SPATA13: variants seen among roughly 807,000 people sequenced by gnomAD.
SPATA13 encodes spermatogenesis-associated protein 13.
A neutral mutation model predicts 104.0 loss-of-function variants in SPATA13; 50 were observed. The observed-to-expected ratio is 0.48, with a 90% CI of 0.38 to 0.61. SPATA13 has a LOEUF of 0.61. Among genes scored for constraint, SPATA13 ranks in the 20% least tolerant of loss-of-function variants. The probability of loss-of-function intolerance (pLI) is 0.00; values close to 1 mark genes in which losing one functional copy is unlikely to be tolerated. For synonymous variants in SPATA13, 606 were observed against 667.5 expected, an observed-to-expected ratio of 0.91 and a Z score of 1.42; for missense variants, 1,524 against 1,690.6, an observed-to-expected ratio of 0.90 and a Z score of 1.73.
chr13:24,250,794 C>T (rs548465581), intron 3 of SPATA13, among the ~76,000 whole-genome samples: 1 of 152,312 alleles, frequency 6.6e-6, no homozygotes, highest in East Asian at 1.9e-4. Flanking sequence ...TCTGAAGGTG[C>T]TCCGCTGTTG....
At chr13:24,213,193 G>A (rs1322224119) in intron 1 of SPATA13, among the ~76,000 whole-genome samples, 1 of 152,214 alleles carries the variant, frequency 6.6e-6, no homozygotes, top group Non-Finnish European at 1.5e-5. Flanking sequence ...GCTCAGAGAT[G>A]ATGATCATAG....
chr13:24,127,232 T>A (rs1278937610), intron 3 of SPATA13, among the ~76,000 whole-genome samples: 2 of 152,128 alleles, frequency 1.3e-5, no homozygotes, highest in African/African-American at 4.8e-5. Flanking sequence ...CCCAGGCTGG[T>A]AGCAGTGAGG....
chr13:24,297,309 G>A, intron 10 of SPATA13, 54 bp from the exon 11 acceptor site: 6 of 1,550,220 alleles, frequency 3.9e-6, no homozygotes, highest in East Asian at 2.3e-5. Flanking sequence ...AAGTAGCTAG[G>A]ACTACAGCTG....
At chr13:23,981,639 G>A (rs765084678) in intron 1 of SPATA13, among the ~76,000 whole-genome samples, 12 of 152,174 alleles carry the variant, frequency 7.9e-5, no homozygotes, top group Non-Finnish European at 1.5e-4. Flanking sequence ...TGCGTTGTGG[G>A]TTTTGCTCTT....
At chr13:24,178,332 C>G (rs910652313) in intron 1 of SPATA13, among the ~76,000 whole-genome samples, 6 of 152,174 alleles carry the variant, frequency 3.9e-5, no homozygotes, top group African/African-American at 1.4e-4. Flanking sequence ...ATGTATTGAA[C>G]TGCATTATGA....
At chr13:24,241,258 A>T (rs1872817467) in intron 2 of SPATA13, among the ~76,000 whole-genome samples, 1 of 152,212 alleles carries the variant, frequency 6.6e-6, no homozygotes. Context: ...TTCTACTTCC[A>T]GTATTGTGCC....
Position 24,286,876 on chromosome 13 carries a change from A to T in SPATA13, c.2593A>T (p.Met865Leu), listed in dbSNP as rs1231290257. The change falls in exon 7 of 13, where the codon ATG becomes TTG. Residue 865 changes from methionine to leucine, a missense_variant. Transcript: ENST00000382108. The surrounding 1 kb of genome is among the most constrained non-coding windows in gnomAD (Gnocchi z 4.9). ...CAGACACTGTGAGAACAAGCAGCAG[A>T]TGCGGACCAACGTCATCCGGGAGAT... ...RHRHCENKQQ[M>L]RTNVIREIMD... is the part of the protein sequence containing the mutation. 4 of 1,613,934 alleles carry T rather than the reference A, an allele frequency of 2.5e-6. No individual in the cohort carries two copies. In the South Asian group the frequency reaches 4.4e-5, roughly 18 times the overall value.
At chr13:24,271,355 TGGTGTG>T (rs1874597507) in intron 4 of SPATA13, among the ~76,000 whole-genome samples, 1 of 152,086 alleles carries the variant, frequency 6.6e-6, no homozygotes, top group Non-Finnish European at 1.5e-5. Context: ...AGATTATTGG[TGGTGTG>T]TATAAGAATG....
Position 24,223,232 on chromosome 13 carries a change from A to G in SPATA13, c.303A>G (p.Thr101=), listed in dbSNP as rs866912656. The change falls in exon 2 of 13, where the codon ACA becomes ACG. Residue 101 remains threonine, a synonymous_variant. Coordinates refer to ENST00000382108, the MANE Select transcript of SPATA13 (RefSeq NM_001166271.3). ...TGGTCCTGGTGGGGAACTCCTCCAC[A>G]TGGAACACCCTCGCCTCCTTCCGGA... ...HSMVLVGNSS[T]WNTLASFRKM... The G allele has an allele frequency of 2.6e-6, 4 of 1,551,598 alleles. No homozygotes were observed. Among genetic ancestry groups the G allele is most frequent in the East Asian group, 2.4e-5 (1 of 40,924 alleles).
intron 3 of SPATA13, among the ~76,000 whole-genome samples, chr13:24,049,567 G>A (rs1422338475): frequency 1.3e-5 from 2 of 152,090 alleles, no homozygotes; most frequent in Admixed American, 6.6e-5. Context: ...TCACAGTAAC[G>A]TTTAAAATGT....
chr13:24,206,836 A>G (rs9507283), intron 1 of SPATA13, among the ~76,000 whole-genome samples: 138,717 of 151,244 alleles, frequency 0.92, 64,899 homozygotes, highest in East Asian at 1. Context: ...AGGTTGCAGT[A>G]AGCTGAGATT....
At chr13:24,246,553 A>G (rs550559416) in intron 2 of SPATA13, among the ~76,000 whole-genome samples, 1 of 152,328 alleles carries the variant, frequency 6.6e-6, no homozygotes, top group African/African-American at 2.4e-5. Context: ...TGTGAGAGAC[A>G]GAGTTCATAG....
chr13:24,091,925 G>A (rs1879922881), intron 3 of SPATA13, among the ~76,000 whole-genome samples: 1 of 152,170 alleles, frequency 6.6e-6, no homozygotes, highest in South Asian at 2.1e-4. Context: ...GCTGTTCTCA[G>A]GCTTTCACAG....
At chr13:24,226,055 G>A (rs909277055) in intron 2 of SPATA13, among the ~76,000 whole-genome samples, 7 of 152,226 alleles carry the variant, frequency 4.6e-5, no homozygotes, top group Admixed American at 6.5e-5. Context: ...CCCAATGAGT[G>A]GCGGAGTCTG....
At chr13:24,169,498 C>T (rs1212420744) in intron 1 of SPATA13, among the ~76,000 whole-genome samples, 1 of 152,130 alleles carries the variant, frequency 6.6e-6, no homozygotes, top group Non-Finnish European at 1.5e-5. Flanking sequence ...TCCTCACTGA[C>T]CGGCATTGAG....
chr13:24,172,034 C>T (rs1489756888), intron 1 of SPATA13, among the ~76,000 whole-genome samples: 17 of 152,134 alleles, frequency 1.1e-4, no homozygotes, highest in Non-Finnish European at 2.4e-4. Context: ...AGGATCTTGA[C>T]GTGGATATGG....
intron 3 of SPATA13, among the ~76,000 whole-genome samples, chr13:24,069,720 C>T (rs1566092152): frequency 6.6e-6 from 1 of 152,180 alleles, no homozygotes. Flanking sequence ...TGAACACGTA[C>T]AGCATTTATC....
At chr13:23,980,257 G>T (rs1008478912) in intron 1 of SPATA13, among the ~76,000 whole-genome samples, 2 of 152,244 alleles carry the variant, frequency 1.3e-5, no homozygotes, top group African/African-American at 4.8e-5. Flanking sequence ...GGGGCGCCGG[G>T]GCAGTAGTTG....
intron 1 of SPATA13, among the ~76,000 whole-genome samples, chr13:24,211,856 G>A (rs983979565): frequency 1.3e-5 from 2 of 152,148 alleles, no homozygotes; most frequent in Non-Finnish European, 2.9e-5. Flanking sequence ...TGGGGTCTCT[G>A]TCTTAAGCTC....
Sources: gnomAD v4.1 joint callset for allele counts (sites outside exome capture counted in the v4.1 genomes callset) on GRCh38, gnomAD v4.1.1 for gene constraint, Gnocchi (gnomAD v3.1) non-coding constraint, MANE v1.5 for transcripts, NCBI Gene and HGNC (gene_info 2026-07-23, HGNC 2026-07-21) for gene names.